The following BRINP2 variants were observed in gnomAD, a reference collection of about 807,000 sequenced individuals.
BRINP2 encodes BMP/retinoic acid inducible neural specific 2, also known as BMP/retinoic acid-inducible neural-specific protein 2.
BRINP2 carries 21 observed loss-of-function variants against 69.2 expected under a neutral mutation model. That is an observed-to-expected ratio of 0.30 (90% CI 0.22 to 0.44). The LOEUF (loss-of-function observed/expected upper bound fraction) is 0.44. Ranked by LOEUF, BRINP2 falls within the 20% of genes least tolerant of loss-of-function variation. The pLI is 1.00. For missense variants in BRINP2, 877 were observed against 986.0 expected (o/e 0.89, Z 1.48); for synonymous variants, 380 against 394.1 (o/e 0.96, Z 0.42).
chr1:177,247,983 TGCTTA>T (rs1387291708), intron 2 of BRINP2, among the ~76,000 whole-genome samples: 2 of 152,144 alleles, frequency 1.3e-5, no homozygotes, highest in Non-Finnish European at 2.9e-5. Context: ...TAGAGCTGCA[TGCTTA>T]GGATACAGGG....
chr1:177,245,452 T>C (rs1417214790), intron 2 of BRINP2, among the ~76,000 whole-genome samples: 1 of 152,122 alleles, frequency 6.6e-6, no homozygotes, highest in Non-Finnish European at 1.5e-5. Context: ...TGTAGAATAA[T>C]GGAAGGAATT....
At chr1:177,199,837 G>A (rs541863550) in intron 1 of BRINP2, among the ~76,000 whole-genome samples, 74 of 152,288 alleles carry the variant, frequency 4.9e-4, no homozygotes, top group Non-Finnish European at 7.1e-4. Context: ...CAATGCATCT[G>A]CAGATATTCA....
rs576344893 is a variant in BRINP2 at position 177,198,498 on chromosome 1, C to A, written c.-77+26766C>A. On this transcript the variant is annotated intron_variant, in intron 1 of 7. Coordinates refer to ENST00000361539, the MANE Select transcript of BRINP2 (RefSeq NM_021165.4). ...CCTTGGCTTGAGATGTAAAATTGGG[C>A]GACAGTGCTGTATGGGTACTAATGA... 1.2e-3 allele frequency among the ~76,000 whole-genome samples: 190 copies of A among 152,176 alleles called. 1 individual carries two copies. Among genetic ancestry groups the A allele is most frequent in the African/African-American group, 4.1e-3 (171 of 41,538 alleles).
intron 3 of BRINP2, chr1:177,256,603 C>G: frequency 3.0e-6 from 3 of 985,390 alleles, no homozygotes; most frequent in Non-Finnish European, 3.6e-6. Context: ...TAGGGTGGAG[C>G]AATGTGGGCT....
intron 1 of BRINP2, among the ~76,000 whole-genome samples, chr1:177,226,322 C>T (rs2102322597): frequency 6.6e-6 from 1 of 152,300 alleles, no homozygotes; most frequent in East Asian, 1.9e-4. Context: ...CACTTATGGT[C>T]TCTGACCTTA....
chr1:177,196,630 A>AG (rs1287717599), intron 1 of BRINP2, among the ~76,000 whole-genome samples: 1 of 151,746 alleles, frequency 6.6e-6, no homozygotes, highest in Non-Finnish European at 1.5e-5. Flanking sequence ...AAAAAAAAAA[A>AG]GAAAGAAAAA....
In BRINP2 at chr1:177,247,789, C is replaced by T. The variant is rs77441830; in HGVS notation, c.270-8130C>T. On this transcript the variant is annotated intron_variant, in intron 2 of 7. Transcript: ENST00000361539. ...CCCACAGTATCTCAATTCTGAGAAA[C>T]GCAGAATAGTGAGCAGGCGGTGATT... 5.6e-4 allele frequency among the ~76,000 whole-genome samples: 85 copies of T among 152,312 alleles called. No individual in the cohort carries two copies. The East Asian group carries it at 6.0e-3, about 11-fold the overall frequency.
intron 2 of BRINP2, among the ~76,000 whole-genome samples, chr1:177,251,383 C>G (rs1188116019): frequency 6.6e-6 from 1 of 152,128 alleles, no homozygotes; most frequent in African/African-American, 2.4e-5. Flanking sequence ...ATACTAAACA[C>G]CACAAAAAAA....
rs1651697732 is a variant in BRINP2, at chr1:177,281,416, A to G, written c.2240A>G (p.His747Arg). ...GACCTTTTCTCCTGCTTGCTCCGGC[A>G]TCGGCTTAAGCTGGCCAACAATGAG... is the stretch of plus-strand genomic sequence containing the variant. The part of the protein sequence containing the change: ...RLDLFSCLLR[H>R]RLKLANNEVG... Residue 747 changes from histidine (H) to arginine (R), a missense_variant, in exon 8 of 8, where the codon CAT (histidine) becomes CGT (arginine). His to Arg is a conservative substitution (Grantham distance 29). This residue lies in a region of BRINP2 where 225 missense variants were observed against 218.7 expected (regional missense o/e 1.03). Transcript: ENST00000361539. The G allele has an allele frequency of 6.2e-7, 1 of 1,614,072 alleles. No homozygotes were observed. The highest frequency in any genetic ancestry group is 8.5e-7 in the Non-Finnish European group (1 of 1,180,028).
chr1:177,212,411 G>C (rs1247616464), intron 1 of BRINP2, among the ~76,000 whole-genome samples: 1 of 152,146 alleles, frequency 6.6e-6, no homozygotes, highest in Non-Finnish European at 1.5e-5. Context: ...CAGCCATGGT[G>C]GCGGGCACCT....
At position 177,239,378 on chromosome 1, in the gene BRINP2, C is replaced by T. The variant is rs555436004; in HGVS notation, c.269+9233C>T. On this transcript the variant is annotated intron_variant, in intron 2 of 7. Transcript: ENST00000361539. ...CTGCTGGTGTGTTTCTACAAGGGTG[C>T]GATGTAAATCGAATTTCTGTAAATC... Among the ~76,000 whole-genome samples, 17 of 152,282 alleles carry T rather than the reference C, an allele frequency of 1.1e-4. 1 individual carries two copies. Among genetic ancestry groups the T allele is most frequent in the South Asian group, 1.0e-3 (5 of 4,822 alleles).
At chr1:177,220,516 T>C (rs950524824) in intron 1 of BRINP2, among the ~76,000 whole-genome samples, 4 of 152,166 alleles carry the variant, frequency 2.6e-5, no homozygotes, top group African/African-American at 7.2e-5. Context: ...GCCATGATTA[T>C]AAGTTTTCTG....
intron 1 of BRINP2, among the ~76,000 whole-genome samples, chr1:177,178,713 G>A (rs939708195): frequency 6.6e-6 from 1 of 152,098 alleles, no homozygotes; most frequent in Non-Finnish European, 1.5e-5. Context: ...GGCTGGGATC[G>A]AGGCTCGAAG....
chr1:177,230,165 G>A lies in BRINP2; in HGVS notation c.269+20G>A, dbSNP rs781673030. On this transcript the variant is annotated intron_variant, in intron 2 of 7. Transcript: ENST00000361539. ...TTATAGGTAAGTGGGGGCCTCCACT[G>A]AGACAGGGGCTTCCCTAAGAACCCA... is the stretch of plus-strand genomic sequence containing the variant. 1.3e-5 allele frequency: 21 copies of A among 1,574,976 alleles called. No individual in the cohort carries two copies. The highest frequency in any genetic ancestry group is 1.8e-5 in the Admixed American group (1 of 57,068).
chr1:177,269,368 G>A (rs1651234740), intron 4 of BRINP2, among the ~76,000 whole-genome samples: 1 of 152,196 alleles, frequency 6.6e-6, no homozygotes, highest in African/African-American at 2.4e-5. Flanking sequence ...TCCCCAGAAG[G>A]GATTAGAGCC....
chr1:177,265,849 G>T (rs993927284), intron 4 of BRINP2, among the ~76,000 whole-genome samples: 2 of 151,968 alleles, frequency 1.3e-5, no homozygotes, highest in African/African-American at 4.8e-5. Context: ...GGCCAGCTGC[G>T]GTGGCTCACA....
At chr1:177,234,148 T>C (rs1471321729) in intron 2 of BRINP2, among the ~76,000 whole-genome samples, 1 of 152,218 alleles carries the variant, frequency 6.6e-6, no homozygotes, top group African/African-American at 2.4e-5. Context: ...GGGCTCCCCA[T>C]ACCTTGCTCC....
intron 2 of BRINP2, among the ~76,000 whole-genome samples, chr1:177,238,295 A>C (rs1418908280): frequency 6.6e-6 from 1 of 152,268 alleles, no homozygotes; most frequent in African/African-American, 2.4e-5. Context: ...GAGTCTGCTC[A>C]CAAGGAACTG....
intron 1 of BRINP2, among the ~76,000 whole-genome samples, chr1:177,215,219 C>T (rs1336481803): frequency 6.6e-6 from 1 of 152,130 alleles, no homozygotes; most frequent in Non-Finnish European, 1.5e-5. Context: ...TTTGTGTTGT[C>T]ACAAATGAGA....
Sources: allele counts gnomAD v4.1 joint callset (sites outside exome capture counted in the v4.1 genomes callset), GRCh38; gene constraint gnomAD v4.1.1; regional missense constraint gnomAD v4.1.1; transcripts MANE v1.5; gene names NCBI Gene and HGNC (gene_info 2026-07-23, HGNC 2026-07-21).